The following VAMP7 variants were observed in gnomAD, a reference collection of about 807,000 sequenced individuals.
VAMP7 encodes vesicle associated membrane protein 7, also known as vesicle-associated membrane protein 7.
A neutral mutation model predicts 29.6 loss-of-function variants in VAMP7; 14 were observed. The ratio of observed to expected loss-of-function variants is 0.47; its 90% CI spans 0.31 to 0.74. The LOEUF (loss-of-function observed/expected upper bound fraction) is 0.74, where lower values mean the gene tolerates loss of function less well. Among genes scored for constraint, VAMP7 ranks in the 30% least tolerant of loss-of-function variants. The pLI is 0.05. For missense variants in VAMP7, 223 were observed against 262.4 expected (o/e 0.85, Z 1.04); for synonymous variants, 95 against 88.1 (o/e 1.08, Z -0.44).
intron 6 of VAMP7, among the ~76,000 whole-genome samples, chrX:155,930,391 C>T (rs1344739300): frequency 6.6e-6 from 1 of 151,848 alleles, no homozygotes; most frequent in Non-Finnish European, 1.5e-5. Context: ...AATCCTAATA[C>T]TTATACTTTG....
chrX:155,939,494 C>T (rs741960), intron 6 of VAMP7, among the ~76,000 whole-genome samples: 84,058 of 151,948 alleles, frequency 0.55, 23,552 homozygotes, highest in East Asian at 0.67. Flanking sequence ...AAGAGGGAAG[C>T]GTTTTCATTG....
chrX:155,909,038 G>A (rs2066194304), intron 5 of VAMP7, among the ~76,000 whole-genome samples: 1 of 151,998 alleles, frequency 6.6e-6, no homozygotes, highest in Non-Finnish European at 1.5e-5. Flanking sequence ...TGTTGCCCAG[G>A]CTAGTCTCAA....
At chrX:155,904,897 T>G (rs2066126201) in intron 5 of VAMP7, among the ~76,000 whole-genome samples, 1 of 92,854 alleles carries the variant, frequency 1.1e-5, no homozygotes, top group South Asian at 3.3e-4. Flanking sequence ...CATATATATA[T>G]ATTATATATT....
rs2066085855 is a variant in VAMP7 at position 155,902,819 on chromosome X, T to C, written c.433+2232T>C. Among the ~76,000 whole-genome samples, 3 of 150,046 alleles carry C rather than the reference T, an allele frequency of 2.0e-5. No individual in the cohort carries two copies. In the South Asian group the frequency reaches 6.4e-4, roughly 32 times the overall value. On this transcript the variant is annotated intron_variant, in intron 5 of 7. Transcript: ENST00000286448. ...CATCAATGTTCATCAAGGATATTGGTCTAAAATTCTCTTTTTTGGTTGTGT... is the reference window on the plus strand; with the variant it reads ...CATCAATGTTCATCAAGGATATTGGCCTAAAATTCTCTTTTTTGGTTGTGT...
intron 6 of VAMP7, among the ~76,000 whole-genome samples, chrX:155,933,060 A>C (rs1190211520): frequency 2.0e-5 from 3 of 152,122 alleles, no homozygotes; most frequent in Admixed American, 1.3e-4. Flanking sequence ...AGCCCACTTG[A>C]TCATGGTAGA....
chrX:155,907,663 AT>A (rs1477277851), intron 5 of VAMP7, among the ~76,000 whole-genome samples: 15 of 152,024 alleles, frequency 9.9e-5, no homozygotes, highest in Admixed American at 2.6e-4. Flanking sequence ...AAAGTCTCCC[AT>A]GTCTACTTCT....
chrX:155,930,701 T>C (rs921909753), intron 6 of VAMP7, among the ~76,000 whole-genome samples: 8 of 150,676 alleles, frequency 5.3e-5, no homozygotes, highest in African/African-American at 1.9e-4. Context: ...TTTTTATTTT[T>C]TTTATAAATA....
At chrX:155,904,133 C>G (rs2066112054) in intron 5 of VAMP7, among the ~76,000 whole-genome samples, 2 of 142,582 alleles carry the variant, frequency 1.4e-5, no homozygotes, top group Admixed American at 7.8e-5. Flanking sequence ...CATGTTCTCA[C>G]TCATAGGTGA....
chrX:155,894,910 A>G lies in VAMP7; in HGVS notation c.147-713A>G, dbSNP rs1241801334. Among the ~76,000 whole-genome samples the G allele has an allele frequency of 2.6e-5, 4 of 151,990 alleles. No homozygotes were observed. The South Asian group carries it at 6.2e-4, about 24-fold the overall frequency. ...GGATTACAGGCATGAGCCAGCCACC[A>G]CGCCTGGCCTTTCGCTCACTCTTTA... On this transcript the variant is annotated intron_variant, in intron 2 of 7. Transcript: ENST00000286448.
chrX:155,896,413 C>T (rs2065987867), intron 3 of VAMP7, among the ~76,000 whole-genome samples: 1 of 152,096 alleles, frequency 6.6e-6, no homozygotes, highest in Admixed American at 6.6e-5. Context: ...TTTGGAAAAA[C>T]AAAATTACAA....
At chrX:155,895,796 T>C in intron 3 of VAMP7, 116 bp downstream of exon 3, 3 of 765,822 alleles carry the variant, frequency 3.9e-6, no homozygotes, top group Non-Finnish European at 6.5e-6. Context: ...TACAGGTCTG[T>C]GGCTTGTTAG....
intron 6 of VAMP7, among the ~76,000 whole-genome samples, chrX:155,925,483 G>A (rs995069134): frequency 4.2e-4 from 64 of 152,280 alleles, no homozygotes; most frequent in Non-Finnish European, 7.8e-4. Flanking sequence ...AGTTGAGAGC[G>A]CACACCCGTG....
At chrX:155,913,693 C>T (rs766181661) in intron 5 of VAMP7, among the ~76,000 whole-genome samples, 20 of 152,042 alleles carry the variant, frequency 1.3e-4, no homozygotes, top group Admixed American at 7.2e-4. Context: ...AGATGTGTAG[C>T]GTTATTTCTG....
chrX:155,894,166 C>A (rs914640329), intron 2 of VAMP7, among the ~76,000 whole-genome samples: 11 of 152,142 alleles, frequency 7.2e-5, no homozygotes, highest in Non-Finnish European at 1.5e-4. Context: ...CCTATCTCTT[C>A]TCTGTCCCTT....
rs1363700563 is a variant in VAMP7 at position 155,900,358 on chromosome X, T to A, written c.343-139T>A. ...CCTGGGTATTGTAACATTTTTCCAG[T>A]GAAGTGACATGTATCTTTTATATCA... On this transcript the variant is annotated intron_variant, in intron 4 of 7. Coordinates refer to ENST00000286448, the MANE Select transcript of VAMP7 (RefSeq NM_005638.6). The A allele has an allele frequency of 4.7e-6, 3 of 636,380 alleles. No individual in the cohort carries two copies. In the African/African-American group the frequency reaches 5.5e-5, roughly 12 times the overall value. 39.4% of individuals were successfully genotyped at this position (636,380 alleles called of 1,614,324 possible).
In VAMP7 at chrX:155,936,424, G is replaced by A. The variant is rs191613076; in HGVS notation, c.502-3277G>A. Among the ~76,000 whole-genome samples the A allele has an allele frequency of 1.8e-3, 281 of 152,336 alleles. 1 individual carries two copies. Among genetic ancestry groups the A allele is most frequent in the African/African-American group, 6.6e-3 (275 of 41,580 alleles). On this transcript the variant is annotated intron_variant, in intron 6 of 7. Coordinates refer to ENST00000286448, the MANE Select transcript of VAMP7 (RefSeq NM_005638.6). ...CGGGCGCCTCTCCTCCAGCCTCGCT[G>A]CCACCTTGCAGTTCAATCTCAGACT... is the stretch of plus-strand genomic sequence containing the variant.
At chrX:155,896,793 G>T (rs1397231956) in intron 3 of VAMP7, among the ~76,000 whole-genome samples, 1 of 152,092 alleles carries the variant, frequency 6.6e-6, no homozygotes, top group Non-Finnish European at 1.5e-5. Context: ...AATTGGCATG[G>T]TTGCCATAGA....
chrX:155,921,500 C>G (rs969753206), intron 6 of VAMP7, among the ~76,000 whole-genome samples: 1 of 152,092 alleles, frequency 6.6e-6, no homozygotes, highest in African/African-American at 2.4e-5. Context: ...TGGCCTCTTT[C>G]ACTCACTGTT....
At chrX:155,939,885 A>T (rs1354445761) in intron 7 of VAMP7, 92 bp downstream of exon 7, 1 of 1,076,120 alleles carries the variant, frequency 9.3e-7, no homozygotes, top group Non-Finnish European at 1.4e-6. Flanking sequence ...ACACTCTGAA[A>T]TGAGCTACAT....
Sources: allele counts gnomAD v4.1 joint callset (sites outside exome capture counted in the v4.1 genomes callset), GRCh38; gene constraint gnomAD v4.1.1; transcripts MANE v1.5; gene names NCBI Gene and HGNC (gene_info 2026-07-23, HGNC 2026-07-21).